DBX2: variants seen among roughly 807,000 people sequenced by gnomAD.
DBX2 encodes developing brain homeobox 2, also known as homeobox protein DBX2.
Under a neutral mutation model 17.7 loss-of-function variants are expected in DBX2, and 16 were observed. The observed-to-expected ratio is 0.90, with a 90% CI of 0.61 to 1.37. The LOEUF (loss-of-function observed/expected upper bound fraction) is 1.37. DBX2 is among the 40% of genes most tolerant of loss of function. DBX2 has a pLI of 0.00. For missense variants in DBX2, 538 were observed against 433.8 expected (o/e 1.24, Z -2.13); for synonymous variants, 255 against 183.8 (o/e 1.39, Z -3.13).
chr12:45,048,540 A>C (rs1288574424), intron 1 of DBX2, among the ~76,000 whole-genome samples: 2 of 152,216 alleles, frequency 1.3e-5, no homozygotes, highest in South Asian at 2.1e-4. Context: ...GCATAAAATA[A>C]TTCCCACATT....
chr12:45,048,979 G>T lies in DBX2; in HGVS notation c.403+1546C>A, dbSNP rs569769886. 2.6e-5 allele frequency among the ~76,000 whole-genome samples: 4 copies of T among 152,092 alleles called. 1 individual carries two copies. Among genetic ancestry groups the T allele is most frequent in the Admixed American group, 2.0e-4 (3 of 15,268 alleles). ...ATGAATATGTTCTTGAAAATAAAAA[G>T]AATGTACTTAGGAAAACTTTTAACC... is the stretch of plus-strand genomic sequence containing the variant. On this transcript the variant is annotated intron_variant, in intron 1 of 3. Coordinates refer to ENST00000332700, the MANE Select transcript of DBX2 (RefSeq NM_001004329.3).
chr12:45,041,249 G>C (rs1450020816), intron 1 of DBX2, among the ~76,000 whole-genome samples: 2 of 150,672 alleles, frequency 1.3e-5, no homozygotes, highest in Non-Finnish European at 3.0e-5. Flanking sequence ...TGACAGGGAA[G>C]TAAATAATTC....
intron 2 of DBX2, among the ~76,000 whole-genome samples, chr12:45,028,857 C>T (rs1198766361): frequency 6.6e-6 from 1 of 152,170 alleles, no homozygotes; most frequent in Non-Finnish European, 1.5e-5. Flanking sequence ...TTTCTCTTAG[C>T]ACTGGTCCCA....
chr12:45,036,496 A>T (rs1190509640), intron 1 of DBX2, among the ~76,000 whole-genome samples: 3 of 152,234 alleles, frequency 2.0e-5, no homozygotes, highest in Non-Finnish European at 4.4e-5. Flanking sequence ...TCTGCTACCC[A>T]CATACAGCTA....
intron 3 of DBX2, among the ~76,000 whole-genome samples, chr12:45,021,907 T>C (rs1320458611): frequency 1.3e-5 from 2 of 151,998 alleles, no homozygotes; most frequent in African/African-American, 2.4e-5. Flanking sequence ...TTCCACGGGG[T>C]GTGGAAGCTT....
intron 2 of DBX2, among the ~76,000 whole-genome samples, chr12:45,028,162 A>G (rs182402208): frequency 2.0e-4 from 30 of 152,334 alleles, no homozygotes; most frequent in African/African-American, 7.2e-4. Flanking sequence ...ATCTCACACA[A>G]CCTAGTGTTT....
chr12:45,020,846 T>G (rs1003499319), intron 3 of DBX2, among the ~76,000 whole-genome samples: 5 of 151,950 alleles, frequency 3.3e-5, no homozygotes, highest in African/African-American at 1.2e-4. Context: ...TTCATGCATA[T>G]ACAACACACA....
At chr12:45,032,615 T>C (rs2137025225) in intron 2 of DBX2, among the ~76,000 whole-genome samples, 1 of 152,340 alleles carries the variant, frequency 6.6e-6, no homozygotes, top group South Asian at 2.1e-4. Context: ...ATTACGTTTT[T>C]TTAAGTTTTA....
chr12:45,029,589 G>A (rs948351832), intron 2 of DBX2, among the ~76,000 whole-genome samples: 1 of 152,170 alleles, frequency 6.6e-6, no homozygotes, highest in Non-Finnish European at 1.5e-5. Context: ...AATAGGCTGG[G>A]CGCAGTGGCT....
chr12:45,031,191 A>AGTGTGT (rs113442613), intron 2 of DBX2, among the ~76,000 whole-genome samples: 1,749 of 99,164 alleles, frequency 0.018, 23 homozygotes, highest in South Asian at 0.041. Context: ...CTTATTTTCA[A>AGTGTGT]GTGTGTGTGT....
rs1946321553 is a variant in DBX2, at chr12:45,016,102, C to T, written c.*184G>A. 3 of 529,410 alleles carry T rather than the reference C, an allele frequency of 5.7e-6. No individual in the cohort carries two copies. Among genetic ancestry groups the T allele is most frequent in the East Asian group, 6.7e-5 (2 of 29,872 alleles). The allele number at this position is 529,410 out of a possible 1,614,324, so 32.8% of individuals were successfully genotyped here. ...TTGCTGGGAGATTCTATTCCACTTA[C>T]AAATTAAGCCTGAGTCTAGGGCCAA... is the stretch of plus-strand genomic sequence containing the variant. On this transcript the variant is annotated 3_prime_UTR_variant, in exon 4 of 4. Transcript: ENST00000332700.
chr12:45,027,739 G>A (rs372255623), intron 2 of DBX2, among the ~76,000 whole-genome samples: 2 of 152,108 alleles, frequency 1.3e-5, no homozygotes, highest in Admixed American at 6.5e-5. Context: ...CAAATAATTC[G>A]TCTCCACTGT....
intron 1 of DBX2, among the ~76,000 whole-genome samples, chr12:45,045,266 G>A (rs1029981731): frequency 6.6e-6 from 1 of 152,122 alleles, no homozygotes; most frequent in African/African-American, 2.4e-5. Flanking sequence ...ACTTTACTTA[G>A]AGCTTCTTCT....
chr12:45,050,112 G>A (rs1006759032), intron 1 of DBX2, among the ~76,000 whole-genome samples: 1 of 152,152 alleles, frequency 6.6e-6, no homozygotes, highest in Non-Finnish European at 1.5e-5. Context: ...TCCTTGTCAA[G>A]AACTTTTCTG....
At position 45,015,736 on chromosome 12, in the gene DBX2, G is replaced by A. The variant is rs1436284933; in HGVS notation, c.*550C>T. The A allele has an allele frequency of 6.6e-6, 1 of 152,146 alleles. No individual in the cohort carries two copies. Among genetic ancestry groups the A allele is most frequent in the African/African-American group, 2.4e-5 (1 of 41,430 alleles). 9.4% of individuals were successfully genotyped at this position (152,146 alleles called of 1,614,324 possible). On this transcript the variant is annotated 3_prime_UTR_variant, in exon 4 of 4. Coordinates refer to ENST00000332700, the MANE Select transcript of DBX2 (RefSeq NM_001004329.3). ...AGCAGTGGCTCATTTGTTGAGGACTGCTGAGCTAAGGTGTTAAAATTCACT... is the reference window on the plus strand; with the variant it reads ...AGCAGTGGCTCATTTGTTGAGGACTACTGAGCTAAGGTGTTAAAATTCACT...
chr12:45,050,439 T>C lies in DBX2; in HGVS notation c.403+86A>G, dbSNP rs868113086. On this transcript the variant is annotated intron_variant, in intron 1 of 3. Transcript: ENST00000332700. ...CCAAACCGGCTCTCCCTGGGCGCAG[T>C]GCGCACCGCCGGCGCTCCCAGATCC... 59 of 1,489,798 alleles carry C rather than the reference T, an allele frequency of 4.0e-5. No homozygotes were observed. In the Middle Eastern group the frequency reaches 1.2e-3, roughly 31 times the overall value. 92.3% of individuals were successfully genotyped at this position (1,489,798 alleles called of 1,614,324 possible). A position where few individuals can be genotyped will look rare whatever the true frequency, so the allele number is the denominator to read the frequency against.
intron 2 of DBX2, among the ~76,000 whole-genome samples, chr12:45,029,777 G>C (rs1248199288): frequency 6.6e-6 from 1 of 151,714 alleles, no homozygotes; most frequent in Non-Finnish European, 1.5e-5. Context: ...GCAGGAATAA[G>C]TGCTTGAACC....
Position 45,036,081 on chromosome 12 carries a change from G to A in DBX2, c.437C>T (p.Pro146Leu). 6.2e-7 allele frequency: 1 copy of A among 1,613,612 alleles called. No homozygotes were observed. The highest frequency in any genetic ancestry group is 1.3e-5 in the African/African-American group (1 of 75,024). ...PSKPFLLSTP[P>L]FYSACCGGSC... The stretch of plus-strand genomic sequence containing the variant: ...CCCACCGCAGCACGCCGAGTAGAAT[G>A]GCGGGGTGCTCAGAAGGAAAGGTTT... Residue 146 changes from proline to leucine, a missense_variant, in exon 2 of 4, where the codon CCA becomes CTA. Coordinates refer to ENST00000332700, the MANE Select transcript of DBX2 (RefSeq NM_001004329.3).
chr12:45,050,645 C>A lies in DBX2; in HGVS notation c.283G>T (p.Ala95Ser). Residue 95 changes from alanine (A) to serine (S), a missense_variant, in exon 1 of 4, where the codon GCC (alanine) becomes TCC (serine). Ala to Ser is a moderately conservative substitution (Grantham distance 99). Coordinates refer to ENST00000332700, the MANE Select transcript of DBX2 (RefSeq NM_001004329.3). ...CACCGCGTTCCGTAGGGCGCCCCGG[C>A]GGGGCTAACTTGTTCGGCTGCGGGG... ...LCPAAEQVSP[A>S]GAPYGTRWAF... is the part of the protein sequence containing the mutation. 6.5e-7 allele frequency: 1 copy of A among 1,549,670 alleles called. No individual in the cohort carries two copies. The highest frequency in any genetic ancestry group is 1.2e-5 in the South Asian group (1 of 84,076).
Sources: allele counts gnomAD v4.1 joint callset (sites outside exome capture counted in the v4.1 genomes callset), GRCh38; gene constraint gnomAD v4.1.1; transcripts MANE v1.5; gene names NCBI Gene and HGNC (gene_info 2026-07-23, HGNC 2026-07-21).